The following RAD50 variants were observed in gnomAD, a reference collection of about 807,000 sequenced individuals.
RAD50 encodes the protein RAD50 double strand break repair protein.
Under a neutral mutation model 168.8 loss-of-function variants are expected in RAD50, and 132 were observed. The ratio of observed to expected loss-of-function variants is 0.78; its 90% confidence interval spans 0.68 to 0.90. The LOEUF (loss-of-function observed/expected upper bound fraction) is 0.90. RAD50 is among the 40% of genes least tolerant of loss of function. The pLI is 0.00. For synonymous variants in RAD50, 525 were observed against 497.4 expected (o/e 1.06, Z -0.74); for missense variants, 1,347 against 1,534.4 (o/e 0.88, Z 2.04).
intron 23 of RAD50, 114 bp downstream of exon 23, chr5:132,638,337 G>A: frequency 8.0e-7 from 1 of 1,247,524 alleles, no homozygotes; most frequent in Non-Finnish European, 1.1e-6. Flanking sequence ...GAAGCTCTTT[G>A]CTGCTATATA....
At chr5:132,617,936 G>T (rs1751205305) in intron 20 of RAD50, 134 bp from the exon 21 acceptor site, 1 of 784,154 alleles carries the variant, frequency 1.3e-6, no homozygotes, top group Non-Finnish European at 2.2e-6. Flanking sequence ...AATAAGCAAG[G>T]AGAGACTCTG....
At chr5:132,613,992 C>T (rs1381576255) in intron 19 of RAD50, among the ~76,000 whole-genome samples, 1 of 152,064 alleles carries the variant, frequency 6.6e-6, no homozygotes, top group East Asian at 1.9e-4. Context: ...CAAAGTTATC[C>T]AGTTTAAAAG....
chr5:132,634,641 T>C (rs1751539737), intron 21 of RAD50, among the ~76,000 whole-genome samples: 1 of 152,166 alleles, frequency 6.6e-6, no homozygotes, highest in South Asian at 2.1e-4. Context: ...TTCTTAGTTT[T>C]AGGAGGAACA....
intron 13 of RAD50, among the ~76,000 whole-genome samples, chr5:132,601,321 T>A (rs112606414): frequency 6.6e-6 from 1 of 152,302 alleles, no homozygotes; most frequent in African/African-American, 2.4e-5. Flanking sequence ...TAACATCTTA[T>A]GTAATCATCA....
chr5:132,611,705 TAA>T (rs34112186), intron 19 of RAD50, among the ~76,000 whole-genome samples: 1,234 of 102,918 alleles, frequency 0.012, 19 homozygotes, highest in African/African-American at 0.037. Context: ...GACTCCGTCT[TAA>T]AAAAAAAAAA....
At chr5:132,641,908 C>G (rs2149866633) in intron 24 of RAD50, 2 of 456,140 alleles carry the variant, frequency 4.4e-6, no homozygotes, top group East Asian at 7.3e-5. Flanking sequence ...AACTTCTGAT[C>G]TGGAAGAAAC....
chr5:132,595,335 A>C, intron 12 of RAD50: 1 of 520,996 alleles, frequency 1.9e-6, no homozygotes, highest in Non-Finnish European at 3.3e-6. Context: ...GAAAGCTCTC[A>C]GTAGGCATTT....
In RAD50 at chr5:132,644,088, T is replaced by C. The variant is rs1751800005; in HGVS notation, c.*1724T>C. 1.5e-5 allele frequency: 3 copies of C among 198,828 alleles called. No homozygotes were observed. Among genetic ancestry groups the C allele is most frequent in the Non-Finnish European group, 3.1e-5 (3 of 96,190 alleles). 12.3% of individuals were successfully genotyped at this position (198,828 alleles called of 1,614,324 possible). A position where few individuals can be genotyped will look rare whatever the true frequency, so the allele number is the denominator to read the frequency against. ...CAGTTACCTTCTATCAACATGTTAA[T>C]GAAAGTGCTAGTTGTTGCAGCAAAG... On this transcript the variant is annotated 3_prime_UTR_variant, in exon 25 of 25. Coordinates refer to ENST00000378823, the MANE Select transcript of RAD50 (RefSeq NM_005732.4).
Position 132,572,597 on chromosome 5 carries a change from T to C in RAD50, c.214-3180T>C, listed in dbSNP as rs1406783987. On this transcript the variant is annotated intron_variant, in intron 2 of 24. Transcript: ENST00000378823. ...AGAAAAAATAGGTGATTATATGATA[T>C]TTGAATGTCTGTTCATTGTTGGTCT... is the stretch of plus-strand genomic sequence containing the variant. Among the ~76,000 whole-genome samples the C allele has an allele frequency of 2.0e-5, 3 of 152,208 alleles. No homozygotes were observed. The East Asian group carries it at 5.8e-4, about 29-fold the overall frequency.
At chr5:132,590,158 T>C (rs1478337992) in intron 9 of RAD50, among the ~76,000 whole-genome samples, 1 of 152,150 alleles carries the variant, frequency 6.6e-6, no homozygotes, top group Non-Finnish European at 1.5e-5. Context: ...GGCTAATTCT[T>C]ATGAGCACCT....
chr5:132,604,705 G>A (rs1464942326), intron 15 of RAD50, 101 bp from the exon 16 acceptor site: 10 of 1,002,112 alleles, frequency 1.0e-5, no homozygotes, highest in South Asian at 1.4e-5. Flanking sequence ...CACAGAAATA[G>A]CATTTGTGGA....
At chr5:132,577,908 G>A (rs773490530) in intron 3 of RAD50, among the ~76,000 whole-genome samples, 10 of 146,068 alleles carry the variant, frequency 6.8e-5, no homozygotes, top group Non-Finnish European at 1.0e-4. Flanking sequence ...TCCGCCTCCC[G>A]GGTTTAAGCG....
chr5:132,597,739 C>T (rs934935382), intron 13 of RAD50, among the ~76,000 whole-genome samples: 3 of 152,130 alleles, frequency 2.0e-5, no homozygotes, highest in African/African-American at 7.2e-5. Context: ...ATAATAAGTG[C>T]TGTTATTTTA....
At chr5:132,628,160 G>T (rs115460259) in intron 21 of RAD50, among the ~76,000 whole-genome samples, 4,221 of 152,242 alleles carry the variant, frequency 0.028, 204 homozygotes, top group African/African-American at 0.097. Flanking sequence ...CAAGCAGGCA[G>T]TTGGATATAT....
In RAD50 at chr5:132,591,141, T is replaced by G; in HGVS notation, c.1453-83T>G. 6.5e-6 allele frequency: 9 copies of G among 1,381,262 alleles called. No homozygotes were observed. The South Asian group carries it at 9.4e-5, about 14-fold the overall frequency. 85.6% of individuals were successfully genotyped at this position (1,381,262 alleles called of 1,614,324 possible). ...ATATTTGGAACATTCTGAGGAGTAG[T>G]TAATTTCTAATACACTTTGTCATTA... On this transcript the variant is annotated intron_variant, in intron 9 of 24. Transcript: ENST00000378823.
chr5:132,595,415 A>C (rs1750771768), intron 12 of RAD50, 158 bp from the exon 13 acceptor site: 1 of 505,706 alleles, frequency 2.0e-6, no homozygotes, highest in Admixed American at 3.8e-5. Flanking sequence ...TTTGGAAGCG[A>C]ATATCGGAAT....
intron 9 of RAD50, among the ~76,000 whole-genome samples, chr5:132,590,442 C>T (rs867279209): frequency 1.3e-5 from 2 of 152,134 alleles, no homozygotes; most frequent in South Asian, 2.1e-4. Flanking sequence ...TGCTCTCCAG[C>T]CTGGGTGACA....
Position 132,603,401 on chromosome 5 carries a change from A to T in RAD50, c.2309A>T (p.Glu770Val). ...DIQRLKNDIE[E>V]QETLLGTIMP... ...CAGCGCCTAAAGAACGACATAGAAGAACAAGAAACACTCTTGGGTACAATA... is the reference window on the plus strand; with the variant it reads ...CAGCGCCTAAAGAACGACATAGAAGTACAAGAAACACTCTTGGGTACAATA... The change falls in exon 14 of 25, where the codon GAA (glutamate) becomes GTA (valine). Residue 770 changes from glutamate (E) to valine (V), a missense_variant. Physicochemically the swap from Glu to Val is moderately radical, Grantham distance 121 (BLOSUM62 -2). Transcript: ENST00000378823. 6.2e-7 allele frequency: 1 copy of T among 1,613,974 alleles called. No individual in the cohort carries two copies.
intron 17 of RAD50, 83 bp downstream of exon 17, chr5:132,608,808 A>G (rs1331724485): frequency 1.3e-6 from 2 of 1,487,030 alleles, no homozygotes; most frequent in Non-Finnish European, 1.8e-6. Context: ...CTTATTTCAC[A>G]TGAAATTAAA....
Sources: allele counts gnomAD v4.1 joint callset (sites outside exome capture counted in the v4.1 genomes callset), GRCh38; gene constraint gnomAD v4.1.1; transcripts MANE v1.5; gene names NCBI Gene and HGNC (gene_info 2026-07-23, HGNC 2026-07-21).